The following OR2L13 variants were observed in gnomAD, a reference collection of about 807,000 sequenced individuals.
The protein encoded by OR2L13 is olfactory receptor 2L13.
In OR2L13, 14 loss-of-function variants were observed where a neutral mutation model predicts 15.3. The ratio of observed to expected loss-of-function variants is 0.91; its 90% CI spans 0.60 to 1.43. The LOEUF is 1.43. Among genes scored for constraint, OR2L13 ranks in the 40% most tolerant of loss-of-function variants. The probability of loss-of-function intolerance (pLI) is 0.00; values close to 1 mark genes in which losing one functional copy is unlikely to be tolerated. For synonymous variants in OR2L13, 152 were observed against 142.9 expected, an observed-to-expected ratio of 1.06 and a Z score of -0.45; for missense variants, 367 against 387.9, an observed-to-expected ratio of 0.95 and a Z score of 0.45.
chr1:247,997,286 C>A, the OR2L13 span, among the ~76,000 whole-genome samples: 1 of 151,962 alleles, frequency 6.6e-6, no homozygotes, highest in Non-Finnish European at 1.5e-5. Flanking sequence ...ACACTTAAAG[C>A]ACTCTACTGA....
At chr1:248,080,644 T>G in the OR2L13 span, among the ~76,000 whole-genome samples, 1 of 152,218 alleles carries the variant, frequency 6.6e-6, no homozygotes, top group African/African-American at 2.4e-5. Flanking sequence ...TTGTGGTGTA[T>G]ATGGGGCACA....
At chr1:248,003,589 C>A in the OR2L13 span, 3 of 1,611,968 alleles carry the variant, frequency 1.9e-6, no homozygotes, top group South Asian at 1.1e-5. Context: ...TAGGCTCGAT[C>A]AATGCTTGTG....
the OR2L13 span, among the ~76,000 whole-genome samples, chr1:248,025,735 G>A: frequency 2.0e-5 from 3 of 151,094 alleles, no homozygotes; most frequent in Non-Finnish European, 4.4e-5. Flanking sequence ...TTAAGAAAAT[G>A]TGGCACATAT....
the OR2L13 span, among the ~76,000 whole-genome samples, chr1:247,973,768 T>C: frequency 7.4e-4 from 112 of 152,300 alleles, no homozygotes; most frequent in African/African-American, 2.6e-3. Context: ...CATTAAAATG[T>C]CGGGAAACAA....
chr1:247,937,716 C>T, the OR2L13 span, among the ~76,000 whole-genome samples: 1 of 152,384 alleles, frequency 6.6e-6, no homozygotes, highest in African/African-American at 2.4e-5. Flanking sequence ...CCGCTGGGAC[C>T]CACTCCCCTG....
chr1:248,039,482 G>A, the OR2L13 span: 73 of 237,972 alleles, frequency 3.1e-4, no homozygotes, highest in African/African-American at 1.4e-3. Context: ...ATGCAATGGC[G>A]CAATCTCAGC....
chr1:247,944,183 A>G, the OR2L13 span, among the ~76,000 whole-genome samples: 1 of 152,138 alleles, frequency 6.6e-6, no homozygotes, highest in African/African-American at 2.4e-5. Context: ...TTTAAGATTC[A>G]TATAAATTTT....
At chr1:248,065,524 G>A in the OR2L13 span, among the ~76,000 whole-genome samples, 12 of 150,840 alleles carry the variant, frequency 8.0e-5, no homozygotes, top group African/African-American at 1.2e-4. Flanking sequence ...ATGCTGGTGC[G>A]CTGCACCCAC....
the OR2L13 span, among the ~76,000 whole-genome samples, chr1:248,009,476 G>A: frequency 6.6e-6 from 1 of 152,122 alleles, no homozygotes; most frequent in African/African-American, 2.4e-5. Context: ...AAACCAGGAA[G>A]AAGTCAAATC....
chr1:248,003,768 T>A, the OR2L13 span: 2 of 1,613,922 alleles, frequency 1.2e-6, no homozygotes, highest in Non-Finnish European at 1.7e-6. Context: ...TTCATTGCTA[T>A]TTCATGTTCC....
At chr1:248,068,117 C>A in the OR2L13 span, among the ~76,000 whole-genome samples, 1 of 152,122 alleles carries the variant, frequency 6.6e-6, no homozygotes, top group African/African-American at 2.4e-5. Flanking sequence ...CTTAAATGTC[C>A]CTGTCTGACA....
chr1:247,993,322 A>T, the OR2L13 span, among the ~76,000 whole-genome samples: 1 of 148,532 alleles, frequency 6.7e-6, no homozygotes, highest in Middle Eastern at 3.5e-3. Flanking sequence ...CCTATTCTGT[A>T]GGTTGGCTGT....
the OR2L13 span, among the ~76,000 whole-genome samples, chr1:248,081,340 A>G: frequency 3.3e-5 from 5 of 152,086 alleles, no homozygotes; most frequent in East Asian, 9.6e-4. Context: ...TATTTTGTGC[A>G]TTTTTATTAA....
At chr1:247,949,283 G>A in the OR2L13 span, 1 of 1,614,194 alleles carries the variant, frequency 6.2e-7, no homozygotes, top group African/African-American at 1.3e-5. Context: ...TGTGTGTGCT[G>A]ATGATAACAG....
the OR2L13 span, among the ~76,000 whole-genome samples, chr1:248,002,917 A>G: frequency 6.6e-6 from 1 of 152,030 alleles, no homozygotes; most frequent in Admixed American, 6.6e-5. Flanking sequence ...CTGTTTCAGA[A>G]GAAATTGTAC....
the OR2L13 span, chr1:247,975,529 G>T: frequency 6.9e-5 from 77 of 1,114,192 alleles, no homozygotes; most frequent in African/African-American, 8.4e-4. Context: ...TCCAACAGAG[G>T]ACAAGGTTCT....
the OR2L13 span, among the ~76,000 whole-genome samples, chr1:247,978,932 A>G: frequency 6.6e-6 from 1 of 151,852 alleles, no homozygotes; most frequent in Non-Finnish European, 1.5e-5. Flanking sequence ...CCTTTGTTTC[A>G]TATGCCCAAG....
chr1:248,027,299 G>A, the OR2L13 span, among the ~76,000 whole-genome samples: 1 of 152,152 alleles, frequency 6.6e-6, no homozygotes, highest in Non-Finnish European at 1.5e-5. Context: ...TGTCTCCTGA[G>A]AAGATGTTAT....
chr1:247,976,314 T>A, the OR2L13 span, among the ~76,000 whole-genome samples: 6 of 152,202 alleles, frequency 3.9e-5, no homozygotes, highest in Non-Finnish European at 8.8e-5. Flanking sequence ...ACATTCTGCC[T>A]GGACAATTTT....
Sources: gnomAD v4.1 joint callset for allele counts (sites outside exome capture counted in the v4.1 genomes callset) on GRCh38, gnomAD v4.1.1 for gene constraint, MANE v1.5 for transcripts, NCBI Gene and HGNC (gene_info 2026-07-23, HGNC 2026-07-21) for gene names.